Variants in TMC5 observed in about 807,000 individuals in gnomAD.
TMC5 encodes transmembrane channel-like protein 5.
Under a neutral mutation model 110.5 loss-of-function variants are expected in TMC5, and 86 were observed. That is an observed-to-expected ratio of 0.78 (90% confidence interval 0.65 to 0.93). The LOEUF (loss-of-function observed/expected upper bound fraction) is 0.93. TMC5 is among the 40% of genes least tolerant of loss of function. The pLI, the probability that TMC5 is intolerant of heterozygous loss-of-function variation, is 0.00. For missense variants in TMC5, 1,144 were observed against 1,222.8 expected, an observed-to-expected ratio of 0.94 and a Z score of 0.96; for synonymous variants, 455 against 439.5, an observed-to-expected ratio of 1.04 and a Z score of -0.44.
intron 5 of TMC5, among the ~76,000 whole-genome samples, chr16:19,453,908 G>A (rs1469178965): frequency 6.6e-6 from 1 of 152,130 alleles, no homozygotes; most frequent in Non-Finnish European, 1.5e-5. Flanking sequence ...TTTTGAGATG[G>A]AATCTCACTA....
intron 12 of TMC5, chr16:19,474,998 G>A (rs1163242614): frequency 1.3e-5 from 2 of 152,250 alleles, no homozygotes; most frequent in Non-Finnish European, 2.9e-5. Context: ...GCCTTTTTGT[G>A]ATTCCCACAA....
chr16:19,490,734 CCTTCCTTCCTTCCTTCCTT>C (rs1968868088), intron 18 of TMC5, among the ~76,000 whole-genome samples, 166 bp downstream of exon 18: 1 of 104,144 alleles, frequency 9.6e-6, no homozygotes, highest in Non-Finnish European at 2.5e-5. Flanking sequence ...TTCCTTCCTT[CCTTCCTTCCTTCCTTCCTT>C]CCTTCCTTCC....
chr16:19,474,352 G>A, intron 12 of TMC5, 76 bp downstream of exon 12: 1 of 1,502,102 alleles, frequency 6.7e-7, no homozygotes. Flanking sequence ...AAAGGATTAT[G>A]CTTTAGTATC....
chr16:19,459,320 G>A (rs1164717410), intron 5 of TMC5, among the ~76,000 whole-genome samples: 1 of 152,142 alleles, frequency 6.6e-6, no homozygotes, highest in Admixed American at 6.6e-5. Context: ...TGAATTTGGG[G>A]TAGACAATAG....
rs148100639 is a variant in TMC5, at chr16:19,469,789, G to A, written c.1746G>A (p.Val582=). 5.8e-5 allele frequency: 94 copies of A among 1,614,050 alleles called. No individual in the cohort carries two copies. Among genetic ancestry groups the A allele is most frequent in the Non-Finnish European group, 7.7e-5 (91 of 1,180,012 alleles). ...WDFTVTHEKA[V]KLKQKNLSTE... ...TCACTGTCACTCATGAAAAAGCTGTGAAGCTAAAACAGAAGAATCTTAGCA... is the reference window on the plus strand; with the variant it reads ...TCACTGTCACTCATGAAAAAGCTGTAAAGCTAAAACAGAAGAATCTTAGCA... The change falls in exon 10 of 22, where the codon GTG becomes GTA. Residue 582 remains valine (V), a synonymous_variant. Transcript: ENST00000542583.
chr16:19,457,234 T>A (rs562151156), intron 5 of TMC5, among the ~76,000 whole-genome samples: 3 of 152,094 alleles, frequency 2.0e-5, no homozygotes, highest in Non-Finnish European at 4.4e-5. Flanking sequence ...TACAAAAAAA[T>A]TTAAAAAATA....
chr16:19,461,075 C>T (rs1325851355), intron 6 of TMC5, among the ~76,000 whole-genome samples: 1 of 152,134 alleles, frequency 6.6e-6, no homozygotes, highest in African/African-American at 2.4e-5. Flanking sequence ...AGAAAATGGA[C>T]ATCGGTGGAA....
At chr16:19,462,988 C>A (rs1968065832) in intron 6 of TMC5, among the ~76,000 whole-genome samples, 2 of 152,030 alleles carry the variant, frequency 1.3e-5, no homozygotes, top group Admixed American at 1.3e-4. Flanking sequence ...TAGCTCACTG[C>A]AGTCTCAAAC....
At chr16:19,457,077 C>T in intron 5 of TMC5, 1 of 1,425,024 alleles carries the variant, frequency 7.0e-7, no homozygotes, top group African/African-American at 1.4e-5. Context: ...TCGTTGTCCA[C>T]AGCATATTTT....
intron 20 of TMC5, among the ~76,000 whole-genome samples, chr16:19,494,664 G>A (rs1969004403): frequency 6.6e-6 from 1 of 152,084 alleles, no homozygotes; most frequent in Non-Finnish European, 1.5e-5. Context: ...AAAGTTAGCT[G>A]GGTGTGGTGG....
intron 19 of TMC5, 54 bp downstream of exon 19, chr16:19,492,282 A>G (rs1236836062): frequency 2.4e-6 from 3 of 1,248,670 alleles, no homozygotes; most frequent in Non-Finnish European, 1.2e-6. Context: ...TAAACGCTGT[A>G]TAAACATCCT....
At chr16:19,437,176 AAAAAT>A (rs765640247) in intron 2 of TMC5, among the ~76,000 whole-genome samples, 4 of 152,316 alleles carry the variant, frequency 2.6e-5, no homozygotes, top group Middle Eastern at 3.4e-3. Flanking sequence ...CCCTGTCTCA[AAAAAT>A]AAAATAAAGT....
chr16:19,436,348 C>T (rs1161185522), intron 2 of TMC5, among the ~76,000 whole-genome samples: 1 of 147,578 alleles, frequency 6.8e-6, no homozygotes, highest in African/African-American at 2.5e-5. Flanking sequence ...GGTAGAAATA[C>T]TCATTTATTT....
chr16:19,453,070 T>C (rs1967786861), intron 5 of TMC5, among the ~76,000 whole-genome samples: 1 of 146,466 alleles, frequency 6.8e-6, no homozygotes, highest in South Asian at 2.2e-4. Context: ...AGGCAGAGAG[T>C]AGTAAAGAAA....
At chr16:19,458,696 A>G (rs2143555985) in intron 5 of TMC5, among the ~76,000 whole-genome samples, 1 of 152,098 alleles carries the variant, frequency 6.6e-6, no homozygotes, top group Middle Eastern at 3.4e-3. Flanking sequence ...ATCTCTGTAT[A>G]TTTTCCTCTT....
chr16:19,465,960 A>G (rs1355152886), intron 8 of TMC5, 122 bp from the exon 9 acceptor site: 2 of 1,040,232 alleles, frequency 1.9e-6, no homozygotes, highest in East Asian at 5.4e-5. Context: ...CCTGGAAAAC[A>G]AAATGTCTAA....
chr16:19,485,326 C>A (rs547713013), intron 15 of TMC5, among the ~76,000 whole-genome samples: 2 of 152,104 alleles, frequency 1.3e-5, no homozygotes, highest in African/African-American at 4.8e-5. Flanking sequence ...ACTTGCCCAA[C>A]GGCATCCTAG....
intron 4 of TMC5, among the ~76,000 whole-genome samples, chr16:19,448,258 A>G (rs1214755857): frequency 2.0e-5 from 3 of 151,804 alleles, no homozygotes; most frequent in Admixed American, 6.6e-5. Flanking sequence ...TTCTATATGT[A>G]TAGGTGTGTC....
chr16:19,496,501 G>T (rs1260930359), intron 20 of TMC5, among the ~76,000 whole-genome samples: 1 of 152,116 alleles, frequency 6.6e-6, no homozygotes, highest in Non-Finnish European at 1.5e-5. Flanking sequence ...GAGGCCTAAA[G>T]GTAGATTCTC....
Sources: allele counts gnomAD v4.1 joint callset (sites outside exome capture counted in the v4.1 genomes callset), GRCh38; gene constraint gnomAD v4.1.1; transcripts MANE v1.5; gene names NCBI Gene and HGNC (gene_info 2026-07-23, HGNC 2026-07-21).